C1orf198: variants seen among roughly 807,000 people sequenced by gnomAD.
The protein encoded by C1orf198 is chromosome 1 open reading frame 198, also known as uncharacterized protein C1orf198.
Under a neutral mutation model 31.4 loss-of-function variants are expected in C1orf198, and 17 were observed. That is an observed-to-expected ratio of 0.54 (90% CI 0.37 to 0.81). The LOEUF (loss-of-function observed/expected upper bound fraction) is 0.81. Among genes scored for constraint, C1orf198 ranks in the 40% least tolerant of loss-of-function variants. The probability of loss-of-function intolerance (pLI) is 0.00; values close to 1 mark genes in which losing one functional copy is unlikely to be tolerated. For missense variants in C1orf198, 401 were observed against 450.3 expected (o/e 0.89, Z 0.99); for synonymous variants, 175 against 193.8 (o/e 0.90, Z 0.81).
At chr1:230,861,934 A>G (rs1670013004) in intron 1 of C1orf198, among the ~76,000 whole-genome samples, 1 of 152,214 alleles carries the variant, frequency 6.6e-6, no homozygotes, top group South Asian at 2.1e-4. Context: ...TCTGGTTGAC[A>G]CCTGTGGCAT....
rs967740979 is a variant in C1orf198, at chr1:230,855,974, C to G, written c.334-256G>C. 1.6e-5 allele frequency: 21 copies of G among 1,289,446 alleles called. No individual in the cohort carries two copies. In the African/African-American group the frequency reaches 2.1e-4, roughly 13 times the overall value. The allele number at this position is 1,289,446 out of a possible 1,614,324, so 79.9% of individuals were successfully genotyped here. A position where few individuals can be genotyped will look rare whatever the true frequency, so the allele number is the denominator to read the frequency against. On this transcript the variant is annotated intron_variant, in intron 1 of 3. Coordinates refer to ENST00000366663, the MANE Select transcript of C1orf198 (RefSeq NM_032800.3). ...CAACAGGGAATGCCGGTGAGGCCCC[C>G]CAATGGACTCAGACAGATGAGATGA...
At chr1:230,847,102 CAAAA>C (rs71179741) in intron 2 of C1orf198, among the ~76,000 whole-genome samples, 1 of 69,700 alleles carries the variant, frequency 1.4e-5, no homozygotes, top group African/African-American at 9.6e-5. Context: ...GACTCCGTCT[CAAAA>C]AAAAAAAAAA....
Position 230,855,599 on chromosome 1 carries a change from G to C in C1orf198, c.384+69C>G, listed in dbSNP as rs1669852316. On this transcript the variant is annotated intron_variant, in intron 2 of 3. Transcript: ENST00000366663. Reference sequence around the variant, plus strand: ...CTGTCTTCTGAGTCCATCAAATGCTGAAAGAAAAATATACAACTACTCAGT... The same window carrying C: ...CTGTCTTCTGAGTCCATCAAATGCTCAAAGAAAAATATACAACTACTCAGT... 4 of 1,538,992 alleles carry C rather than the reference G, an allele frequency of 2.6e-6. No homozygotes were observed. In the South Asian group the frequency reaches 4.8e-5, roughly 18 times the overall value.
At position 230,839,282 on chromosome 1, in the gene C1orf198, GGT is replaced by G. The variant is rs1669383434; in HGVS notation, c.*568_*569del. 6.4e-6 allele frequency: 1 copy of G among 156,300 alleles called. No homozygotes were observed. The highest frequency in any genetic ancestry group is 2.0e-4 in the South Asian group (1 of 4,988). 9.7% of individuals were successfully genotyped at this position (156,300 alleles called of 1,614,324 possible). On this transcript the variant is annotated 3_prime_UTR_variant, in exon 4 of 4. Transcript: ENST00000366663. ...GTCTGTTCCCTGGAAATGGCGTGAGGGTGGAGGCTGGCACATGATGTGAGAGA... is the reference window on the plus strand; with the variant it reads ...GTCTGTTCCCTGGAAATGGCGTGAGGGGAGGCTGGCACATGATGTGAGAGA...
chr1:230,865,225 GCCAGGACAAGAAT>G (rs1206552140), intron 1 of C1orf198, among the ~76,000 whole-genome samples: 1 of 152,160 alleles, frequency 6.6e-6, no homozygotes, highest in East Asian at 1.9e-4. Context: ...TGCTGGCATG[GCCAGGACAAGAAT>G]CCAGGACATG....
At chr1:230,854,010 A>G (rs1669806030) in intron 2 of C1orf198, among the ~76,000 whole-genome samples, 1 of 152,240 alleles carries the variant, frequency 6.6e-6, no homozygotes. Flanking sequence ...CCAAGTTAAT[A>G]AAAGATGAAA....
chr1:230,843,726 C>A lies in C1orf198; in HGVS notation c.555G>T (p.Glu185Asp). The change falls in exon 3 of 4, where the codon GAG becomes GAT. Residue 185 changes from glutamate to aspartate, a missense_variant. By Grantham distance (45) the Glu-to-Asp change is conservative. Transcript: ENST00000366663. The surrounding 1 kb of genome is among the most constrained non-coding windows in gnomAD (Gnocchi z 4.9). Reference sequence around the variant, plus strand: ...TGATCTTCCAGAATGACGCTTCCTCCTCCTTCCTGGTGGGGCCCAGGGCGT... The same window carrying A: ...TGATCTTCCAGAATGACGCTTCCTCATCCTTCCTGGTGGGGCCCAGGGCGT... ...SLDALGPTRK[E>D]EEASFWKINA... 6.2e-7 allele frequency: 1 copy of A among 1,614,208 alleles called. No homozygotes were observed. The highest frequency in any genetic ancestry group is 1.1e-5 in the South Asian group (1 of 91,086).
Position 230,843,631 on chromosome 1 carries a change from G to T in C1orf198, c.650C>A (p.Ser217Tyr), listed in dbSNP as rs1172318457. Residue 217 changes from serine (S) to tyrosine (Y), a missense_variant, in exon 3 of 4, where the codon TCC (serine) becomes TAC (tyrosine). Transcript: ENST00000366663. This position sits in a 1 kb window ranked among gnomAD's most constrained non-coding sequence, Gnocchi z 4.9. The part of the protein sequence containing the change: ...FQSLTPSQIK[S>Y]MEKGEKVLPP... ...CAAGACCTTTTCCCCCTTCTCCATG[G>T]ACTTGATCTGGCTAGGGGTCAGCGA... 1 of 1,614,236 alleles carries T rather than the reference G, an allele frequency of 6.2e-7. No individual in the cohort carries two copies. Among genetic ancestry groups the T allele is most frequent in the Admixed American group, 1.7e-5 (1 of 60,032 alleles).
upstream of C1orf198, chr1:230,868,616 C>G: frequency 1.1e-6 from 1 of 926,004 alleles, no homozygotes; most frequent in Non-Finnish European, 1.3e-6. Context: ...GGAACCCCGC[C>G]CTGCACCGCC....
At chr1:230,864,620 A>G (rs1235387330) in intron 1 of C1orf198, among the ~76,000 whole-genome samples, 1 of 152,160 alleles carries the variant, frequency 6.6e-6, no homozygotes, top group Non-Finnish European at 1.5e-5. Flanking sequence ...CCGATTAGGG[A>G]TATTGAAACA....
Position 230,868,171 on chromosome 1 carries a change from C to T in C1orf198, c.333+9G>A, listed in dbSNP as rs898404807. The stretch of plus-strand genomic sequence containing the variant: ...GGGGAAGAGGGTCCGCGGCCAGGCC[C>T]GCACCTACCTCGTCCCCGAAGCGCA... On this transcript the variant is annotated intron_variant, in intron 1 of 3. Coordinates refer to ENST00000366663, the MANE Select transcript of C1orf198 (RefSeq NM_032800.3). 2.0e-6 allele frequency: 3 copies of T among 1,494,258 alleles called. No homozygotes were observed. Among genetic ancestry groups the T allele is most frequent in the Admixed American group, 2.2e-5 (1 of 45,606 alleles). The allele number at this position is 1,494,258 out of a possible 1,614,324, so 92.6% of individuals were successfully genotyped here. A position where few individuals can be genotyped will look rare whatever the true frequency, so the allele number is the denominator to read the frequency against.
intron 2 of C1orf198, among the ~76,000 whole-genome samples, chr1:230,852,915 G>A (rs1669781012): frequency 6.6e-6 from 1 of 152,214 alleles, no homozygotes. Flanking sequence ...GAACAGAGCA[G>A]AAGTGATACT....
intron 2 of C1orf198, among the ~76,000 whole-genome samples, chr1:230,845,813 C>T (rs992299251): frequency 6.6e-6 from 1 of 152,194 alleles, no homozygotes; most frequent in African/African-American, 2.4e-5. Context: ...ACCCTTCCCT[C>T]CTCCCATAAT....
chr1:230,869,080 C>T (rs921637762), upstream of C1orf198: 1 of 152,478 alleles, frequency 6.6e-6, no homozygotes, highest in Non-Finnish European at 1.5e-5. Flanking sequence ...GTCCAGGACG[C>T]TGGGCCCGGG....
At position 230,855,568 on chromosome 1, in the gene C1orf198, AG is replaced by A. The variant is rs1669851697; in HGVS notation, c.384+99del. On this transcript the variant is annotated intron_variant, in intron 2 of 3. Transcript: ENST00000366663. The stretch of plus-strand genomic sequence containing the variant: ...ACACATCCCCTGCAGCCTGGCAGTC[AG>A]GGGGCTGTCTTCTGAGTCCATCAAA... 6.9e-6 allele frequency: 9 copies of A among 1,305,606 alleles called. No homozygotes were observed. The South Asian group carries it at 8.5e-5, about 12-fold the overall frequency. The allele number at this position is 1,305,606 out of a possible 1,614,324, so 80.9% of individuals were successfully genotyped here.
At chr1:230,845,789 A>G (rs1669573895) in intron 2 of C1orf198, among the ~76,000 whole-genome samples, 2 of 152,210 alleles carry the variant, frequency 1.3e-5, no homozygotes, top group African/African-American at 4.8e-5. Context: ...AAAAAAGAAA[A>G]AGAATCAGTC....
intron 3 of C1orf198, 33 bp from the exon 4 acceptor site, chr1:230,839,941 G>A (rs371003599): frequency 5.5e-5 from 87 of 1,570,640 alleles, no homozygotes; most frequent in East Asian, 6.8e-5. Context: ...GAAGTAAGAC[G>A]AGCCTCTTTT....
chr1:230,844,032 G>A (rs1460323508), intron 2 of C1orf198, 136 bp from the exon 3 acceptor site: 3 of 907,600 alleles, frequency 3.3e-6, no homozygotes, highest in Non-Finnish European at 4.9e-6. Flanking sequence ...CCCATGTGCT[G>A]GAACTGTCTG....
chr1:230,850,585 T>A (rs1363090444), intron 2 of C1orf198, among the ~76,000 whole-genome samples: 1 of 151,932 alleles, frequency 6.6e-6, no homozygotes, highest in Non-Finnish European at 1.5e-5. Flanking sequence ...GAGTGACGCA[T>A]CGTCCCACAC....
Sources: gnomAD v4.1 joint callset for allele counts (sites outside exome capture counted in the v4.1 genomes callset) on GRCh38, gnomAD v4.1.1 for gene constraint, Gnocchi (gnomAD v3.1) non-coding constraint, MANE v1.5 for transcripts, NCBI Gene and HGNC (gene_info 2026-07-23, HGNC 2026-07-21) for gene names.